Variants in PTPRE observed in about 807,000 individuals in gnomAD.
The protein encoded by PTPRE is receptor-type tyrosine-protein phosphatase epsilon.
PTPRE carries 51 observed loss-of-function variants against 102.0 expected under a neutral mutation model. The ratio of observed to expected loss-of-function variants is 0.50; its 90% CI spans 0.40 to 0.63. The LOEUF is 0.63. Ranked by LOEUF, PTPRE falls within the 30% of genes least tolerant of loss-of-function variation. The pLI, the probability that PTPRE is intolerant of heterozygous loss-of-function variation, is 0.00. For missense variants in PTPRE, 752 were observed against 915.1 expected, an observed-to-expected ratio of 0.82 and a Z score of 2.30; for synonymous variants, 345 against 348.2, an observed-to-expected ratio of 0.99 and a Z score of 0.10.
At position 128,056,124 on chromosome 10, in the gene PTPRE, C is replaced by A; in HGVS notation, c.422C>A (p.Ser141Ter). The A allele has an allele frequency of 1.2e-6, 2 of 1,606,808 alleles. No individual in the cohort carries two copies. Among genetic ancestry groups the A allele is most frequent in the South Asian group, 2.2e-5 (2 of 90,902 alleles). Residue 141 changes from serine to a stop codon, truncating the protein, a stop_gained and splice_region_variant, in exon 7 of 21, where the codon TCA becomes TAA. Transcript: ENST00000254667. LOFTEE classifies it high-confidence loss of function. The stretch of plus-strand genomic sequence containing the variant: ...TACTAATGCTACATTTTCTTCCAGT[C>A]ATTGCCATCTGGACACATACAAGGA... Reference protein sequence around the residue: ...DCKQFREEFNSLPSGHIQGTF... With the variant: ...DCKQFREEFN
intron 2 of PTPRE, among the ~76,000 whole-genome samples, chr10:128,013,921 G>A (rs1013488256): frequency 4.6e-5 from 7 of 152,308 alleles, no homozygotes; most frequent in African/African-American, 1.7e-4. Context: ...ACCTTTGAAT[G>A]CAAGTAGGTG....
At chr10:127,950,202 T>C (rs1465823479) in intron 1 of PTPRE, among the ~76,000 whole-genome samples, 2 of 151,978 alleles carry the variant, frequency 1.3e-5, no homozygotes, top group Non-Finnish European at 2.9e-5. Context: ...GGAGTGGATA[T>C]TAAGGGTATG....
intron 2 of PTPRE, among the ~76,000 whole-genome samples, chr10:127,995,403 A>G (rs982554298): frequency 1.3e-5 from 2 of 151,914 alleles, no homozygotes; most frequent in Non-Finnish European, 2.9e-5. Context: ...GTCCCTGGAG[A>G]TGGTTATGTG....
intron 1 of PTPRE, among the ~76,000 whole-genome samples, chr10:127,974,585 G>A (rs111591572): frequency 6.6e-6 from 1 of 152,114 alleles, no homozygotes; most frequent in Non-Finnish European, 1.5e-5. Flanking sequence ...CTTCTTTTAG[G>A]GTAAGGAGGC....
In PTPRE at chr10:128,056,982, G is replaced by A. The variant is rs56255853; in HGVS notation, c.511+769G>A. Reference sequence around the variant, plus strand: ...TGTAATCCCAGCACTCTGGGAGGCCGAGGCAGGTGGATCACCTGAAGTCAG... The same window carrying A: ...TGTAATCCCAGCACTCTGGGAGGCCAAGGCAGGTGGATCACCTGAAGTCAG... On this transcript the variant is annotated intron_variant, in intron 7 of 20. Transcript: ENST00000254667. 3.6e-3 allele frequency among the ~76,000 whole-genome samples: 549 copies of A among 152,238 alleles called. 2 individuals carry two copies. Among genetic ancestry groups the A allele is most frequent in the South Asian group, 0.013 (65 of 4,830 alleles).
At chr10:128,030,926 A>T (rs1287997567) in intron 2 of PTPRE, among the ~76,000 whole-genome samples, 2 of 152,074 alleles carry the variant, frequency 1.3e-5, no homozygotes, top group African/African-American at 4.8e-5. Flanking sequence ...CCCCTACCAC[A>T]TCGTGTGCTT....
chr10:128,040,323 A>C (rs1847571862), intron 2 of PTPRE, among the ~76,000 whole-genome samples: 1 of 152,200 alleles, frequency 6.6e-6, no homozygotes, highest in African/African-American at 2.4e-5. Context: ...ACTTGGCTGC[A>C]GCTGGGTGAT....
intron 1 of PTPRE, among the ~76,000 whole-genome samples, chr10:127,949,969 A>T (rs557903349): frequency 6.6e-6 from 1 of 151,958 alleles, no homozygotes; most frequent in South Asian, 2.1e-4. Flanking sequence ...CTCTGATGGG[A>T]CTCACAGCCT....
chr10:127,921,767 C>A (rs1349996409), intron 1 of PTPRE, among the ~76,000 whole-genome samples: 1 of 152,176 alleles, frequency 6.6e-6, no homozygotes, highest in Non-Finnish European at 1.5e-5. Flanking sequence ...ACAAAGCTCC[C>A]CCAGGAAATT....
chr10:127,975,318 C>T (rs553735750), intron 1 of PTPRE, among the ~76,000 whole-genome samples: 14 of 152,324 alleles, frequency 9.2e-5, no homozygotes, highest in African/African-American at 2.9e-4. Flanking sequence ...TACCAACACA[C>T]GCTACTCTTC....
At chr10:127,924,122 T>C (rs1350340005) in intron 1 of PTPRE, among the ~76,000 whole-genome samples, 1 of 152,222 alleles carries the variant, frequency 6.6e-6, no homozygotes, top group Non-Finnish European at 1.5e-5. Context: ...ACTCTTAAGC[T>C]TTTTTGTAGA....
intron 3 of PTPRE, among the ~76,000 whole-genome samples, chr10:128,043,405 G>C (rs1055001695): frequency 2.0e-5 from 3 of 152,210 alleles, no homozygotes. Flanking sequence ...TCACGGTCCT[G>C]TAAGAATCTA....
chr10:127,952,894 C>T (rs1046975699), intron 1 of PTPRE, among the ~76,000 whole-genome samples: 1 of 152,084 alleles, frequency 6.6e-6, no homozygotes, highest in Non-Finnish European at 1.5e-5. Flanking sequence ...GTTAGACATT[C>T]GTATATCAGA....
intron 1 of PTPRE, among the ~76,000 whole-genome samples, chr10:127,952,038 C>A (rs989952807): frequency 6.6e-6 from 1 of 152,194 alleles, no homozygotes; most frequent in Non-Finnish European, 1.5e-5. Context: ...GAAGGCCCAC[C>A]TGAAGCAGTT....
intron 1 of PTPRE, among the ~76,000 whole-genome samples, chr10:127,937,718 G>A (rs186766041): frequency 2.6e-3 from 389 of 152,284 alleles, no homozygotes; most frequent in African/African-American, 8.3e-3. Context: ...AATTAGATGG[G>A]CGTGGTGGCA....
At chr10:127,938,290 C>T (rs1254808009) in intron 1 of PTPRE, among the ~76,000 whole-genome samples, 2 of 152,166 alleles carry the variant, frequency 1.3e-5, no homozygotes, top group African/African-American at 4.8e-5. Flanking sequence ...TGTTTCCAAT[C>T]AGGGAGCTCT....
rs544285295 is a variant in PTPRE at position 127,994,999 on chromosome 10, G to A, written c.-8+12703G>A. On this transcript the variant is annotated intron_variant, in intron 2 of 20. Coordinates refer to ENST00000254667, the MANE Select transcript of PTPRE (RefSeq NM_006504.6). ...GGGATTTTGTTTTGAACCAGTCACT[G>A]GGAGATGCGTTCTAAGGTGAGGGCT... Among the ~76,000 whole-genome samples, 7 of 152,314 alleles carry A rather than the reference G, an allele frequency of 4.6e-5. No homozygotes were observed. In the East Asian group the frequency reaches 1.2e-3, roughly 25 times the overall value.
intron 6 of PTPRE, among the ~76,000 whole-genome samples, chr10:128,052,483 A>G (rs1348982197): frequency 6.6e-6 from 1 of 151,910 alleles, no homozygotes; most frequent in African/African-American, 2.4e-5. Flanking sequence ...AAATGAGGAT[A>G]CTCCCTGCCC....
chr10:127,945,401 AC>A (rs1253807480), intron 1 of PTPRE, among the ~76,000 whole-genome samples: 1 of 152,168 alleles, frequency 6.6e-6, no homozygotes, highest in Non-Finnish European at 1.5e-5. Context: ...TGCCAGCCAG[AC>A]TTTGGGCTCC....
Sources: gnomAD v4.1 joint callset for allele counts (sites outside exome capture counted in the v4.1 genomes callset) on GRCh38, gnomAD v4.1.1 for gene constraint, MANE v1.5 for transcripts, NCBI Gene and HGNC (gene_info 2026-07-23, HGNC 2026-07-21) for gene names.